Variants in CACNA1A observed in about 807,000 individuals in gnomAD.
CACNA1A encodes the protein calcium voltage-gated channel subunit alpha1 A.
In CACNA1A, 57 loss-of-function variants were observed where a neutral mutation model predicts 262.4. The observed-to-expected ratio is 0.22, with a 90% CI of 0.18 to 0.27. The LOEUF (loss-of-function observed/expected upper bound fraction) is 0.27. CACNA1A is among the 10% of genes least tolerant of loss of function. CACNA1A has a pLI of 1.00. For missense variants in CACNA1A, 2,526 were observed against 3,562.8 expected, an observed-to-expected ratio of 0.71 and a Z score of 7.41; for synonymous variants, 1,431 against 1,419.3, an observed-to-expected ratio of 1.01 and a Z score of -0.18.
At chr19:13,277,695 G>A (rs908007423) in intron 22 of CACNA1A, 1 of 156,046 alleles carries the variant, frequency 6.4e-6, no homozygotes, top group African/African-American at 2.4e-5. Flanking sequence ...ATGTCCTCTG[G>A]CCCAGCCCCT....
At chr19:13,492,358 T>G (rs1428939364) in intron 1 of CACNA1A, among the ~76,000 whole-genome samples, 1 of 152,090 alleles carries the variant, frequency 6.6e-6, no homozygotes, top group East Asian at 1.9e-4. Context: ...CACAACAGGA[T>G]TTCACTTTCA....
At chr19:13,353,016 G>A (rs908428846) in intron 6 of CACNA1A, among the ~76,000 whole-genome samples, 3 of 151,946 alleles carry the variant, frequency 2.0e-5, no homozygotes, top group Non-Finnish European at 4.4e-5. Flanking sequence ...CAGGTGATCT[G>A]CCTGCCTTGG....
intron 11 of CACNA1A, chr19:13,316,622 G>A (rs1478455223): frequency 3.3e-5 from 5 of 151,616 alleles, no homozygotes; most frequent in Non-Finnish European, 7.3e-5. Context: ...GAAGCAGAAG[G>A]TTTGAAAGAA....
intron 10 of CACNA1A, among the ~76,000 whole-genome samples, chr19:13,322,978 A>G (rs1034194193): frequency 6.6e-6 from 1 of 152,196 alleles, no homozygotes; most frequent in African/African-American, 2.4e-5. Flanking sequence ...CTTTTTGATA[A>G]TAGCTACTCT....
intron 1 of CACNA1A, among the ~76,000 whole-genome samples, chr19:13,483,362 A>T (rs188001905): frequency 2.6e-5 from 4 of 152,104 alleles, no homozygotes; most frequent in East Asian, 1.9e-4. Flanking sequence ...TACAGCAGCA[A>T]GCATATCCTA....
intron 3 of CACNA1A, chr19:13,451,642 T>A (rs148534381): frequency 6.6e-6 from 1 of 152,214 alleles, no homozygotes; most frequent in Non-Finnish European, 1.5e-5. Context: ...GCCAATAGGA[T>A]ATGAATGGAA....
At position 13,461,168 on chromosome 19, in the gene CACNA1A, C is replaced by T. The variant is rs564711986; in HGVS notation, c.294-5956G>A. On this transcript the variant is annotated intron_variant, in intron 1 of 46. Coordinates refer to ENST00000360228, the MANE Select transcript of CACNA1A (RefSeq NM_001127222.2). ...CAGCCTGGCCAACATGGTGAAACCC[C>T]GTCTCTACTAAAAATACAAAAATTA... Among the ~76,000 whole-genome samples, 193 of 152,002 alleles carry T rather than the reference C, an allele frequency of 1.3e-3. 1 individual carries two copies. The highest frequency in any genetic ancestry group is 4.4e-3 in the African/African-American group (182 of 41,462).
rs2058027163 is a variant in CACNA1A, at chr19:13,311,142, G to A, written c.1668+1527C>T. ...TCTCACTCTCTTGTCCAGGCTGGAG[G>A]GCAGTGGTGTGATCATAGCTCACTG... On this transcript the variant is annotated intron_variant, in intron 12 of 46. Coordinates refer to ENST00000360228, the MANE Select transcript of CACNA1A (RefSeq NM_001127222.2). Among the ~76,000 whole-genome samples the A allele has an allele frequency of 2.0e-5, 3 of 152,042 alleles. No homozygotes were observed. In the South Asian group the frequency reaches 6.2e-4, roughly 31 times the overall value.
chr19:13,416,208 C>T (rs932208757), intron 3 of CACNA1A, among the ~76,000 whole-genome samples: 3 of 152,170 alleles, frequency 2.0e-5, no homozygotes, highest in African/African-American at 7.2e-5. Context: ...TCAAGCGATC[C>T]TCCTGCCTCA....
intron 3 of CACNA1A, among the ~76,000 whole-genome samples, chr19:13,410,066 G>A (rs1212320713): frequency 6.6e-6 from 1 of 151,868 alleles, no homozygotes; most frequent in Non-Finnish European, 1.5e-5. Context: ...ATAGATAACT[G>A]TGTGTGCTGT....
At position 13,351,650 on chromosome 19, in the gene CACNA1A, C is replaced by T. The variant is rs1449257586; in HGVS notation, c.978+7956G>A. Among the ~76,000 whole-genome samples, 3 of 152,318 alleles carry T rather than the reference C, an allele frequency of 2.0e-5. 1 individual carries two copies. Among genetic ancestry groups the T allele is most frequent in the African/African-American group, 7.2e-5 (3 of 41,572 alleles). On this transcript the variant is annotated intron_variant, in intron 6 of 46. Transcript: ENST00000360228. The stretch of plus-strand genomic sequence containing the variant: ...TCAGCCTCCTGCGTAGCTGGGACTA[C>T]AGGCGTGTGCCACCACGCCTGGCTA...
Position 13,207,279 on chromosome 19 carries a change from G to A in CACNA1A, c.*34C>T. On this transcript the variant is annotated 3_prime_UTR_variant, in exon 47 of 47. Transcript: ENST00000360228. The surrounding 1 kb of genome is among the most constrained non-coding windows in gnomAD (Gnocchi z 5.7). ...CGGGTGGGGTGTGTGCGTGGGGTGC[G>A]TGGGGGGCCGGGCGGGCGCCACCTC... is the stretch of plus-strand genomic sequence containing the variant. The A allele has an allele frequency of 1.3e-6, 2 of 1,522,360 alleles. No homozygotes were observed. Among genetic ancestry groups the A allele is most frequent in the East Asian group, 2.5e-5 (1 of 39,580 alleles). The allele number at this position is 1,522,360 out of a possible 1,614,324, so 94.3% of individuals were successfully genotyped here. A position where few individuals can be genotyped will look rare whatever the true frequency, so the allele number is the denominator to read the frequency against.
chr19:13,481,923 G>A (rs142613000), intron 1 of CACNA1A, among the ~76,000 whole-genome samples: 1 of 152,050 alleles, frequency 6.6e-6, no homozygotes, highest in East Asian at 1.9e-4. Flanking sequence ...GGCTTGCCAG[G>A]GGCACAGACT....
chr19:13,359,699 G>T lies in CACNA1A; in HGVS notation c.885C>A (p.Asn295Lys). The change falls in exon 6 of 47, where the codon AAC (asparagine) becomes AAA (lysine). Residue 295 changes from asparagine to lysine, a missense_variant. Coordinates refer to ENST00000360228, the MANE Select transcript of CACNA1A (RefSeq NM_001127222.2). ...TKCQPYWEGP[N>K]NGITQFDNIL... is the part of the protein sequence containing the mutation. Reference sequence around the variant, plus strand: ...TGTTGTCGAACTGAGTGATCCCGTTGTTGGGCCCTTCCCAGTAGGGCTGAC... The same window carrying T: ...TGTTGTCGAACTGAGTGATCCCGTTTTTGGGCCCTTCCCAGTAGGGCTGAC... The T allele has an allele frequency of 1.9e-6, 3 of 1,600,108 alleles. No homozygotes were observed. The highest frequency in any genetic ancestry group is 8.5e-7 in the Non-Finnish European group (1 of 1,173,208).
chr19:13,493,827 G>C (rs1209364228), intron 1 of CACNA1A, among the ~76,000 whole-genome samples: 1 of 152,164 alleles, frequency 6.6e-6, no homozygotes, highest in Non-Finnish European at 1.5e-5. Flanking sequence ...GTATAAAGTG[G>C]AACATTATCA....
In CACNA1A at chr19:13,300,939, T is replaced by TG. The variant is rs113638557; in HGVS notation, c.2173-284_2173-283insC. Reference sequence around the variant, plus strand: ...CTACAATGAAGACTTTCCTGCAGCCTATTTTTTTTTCTTTTGTTTGTTTTC... The same window carrying TG: ...CTACAATGAAGACTTTCCTGCAGCCTGATTTTTTTTTCTTTTGTTTGTTTTC... On this transcript the variant is annotated intron_variant, in intron 17 of 46. Transcript: ENST00000360228. Among the ~76,000 whole-genome samples, 26,293 of 151,716 alleles carry TG rather than the reference T, an allele frequency of 0.17. 2,465 individuals carry two copies. The highest frequency in any genetic ancestry group is 0.36 in the East Asian group (1,826 of 5,132).
At chr19:13,336,761 C>G (rs1208842098) in intron 6 of CACNA1A, among the ~76,000 whole-genome samples, 2 of 152,118 alleles carry the variant, frequency 1.3e-5, no homozygotes, top group Non-Finnish European at 1.5e-5. Flanking sequence ...TGTTATAATG[C>G]CCATGTTACT....
intron 3 of CACNA1A, among the ~76,000 whole-genome samples, chr19:13,406,465 TTATATATATATATATATA>T (rs61273249): frequency 0.012 from 378 of 31,552 alleles, 10 homozygotes; most frequent in South Asian, 0.022. Context: ...AAAAAAAAAA[TTATATATATATATATATA>T]TATATATATA....
chr19:13,235,383 C>T (rs566261168), intron 32 of CACNA1A, 109 bp from the exon 33 acceptor site: 31 of 1,077,128 alleles, frequency 2.9e-5, no homozygotes, highest in African/African-American at 1.3e-4. Context: ...CCATATGCCA[C>T]GTGCCAGAGT....
Sources: gnomAD v4.1 joint callset for allele counts (sites outside exome capture counted in the v4.1 genomes callset) on GRCh38, gnomAD v4.1.1 for gene constraint, Gnocchi (gnomAD v3.1) non-coding constraint, MANE v1.5 for transcripts, NCBI Gene and HGNC (gene_info 2026-07-23, HGNC 2026-07-21) for gene names.